Variants in ADAM29 observed in about 807,000 individuals in gnomAD.
ADAM29 encodes the protein disintegrin and metalloproteinase domain-containing protein 29.
For missense variants in ADAM29, 969 were observed against 1,001.8 expected, an observed-to-expected ratio of 0.97 and a Z score of 0.44; for synonymous variants, 367 against 342.3, an observed-to-expected ratio of 1.07 and a Z score of -0.80.
chr4:174,962,511 C>CA (rs578109941), intron 4 of ADAM29, among the ~76,000 whole-genome samples: 8,320 of 63,468 alleles, frequency 0.13, 438 homozygotes, highest in African/African-American at 0.22. Context: ...GACTCCGTCA[C>CA]AAAAAAAAAA....
intron 2 of ADAM29, among the ~76,000 whole-genome samples, chr4:174,930,008 A>C (rs535744374): frequency 1.3e-5 from 2 of 152,252 alleles, no homozygotes; most frequent in South Asian, 4.1e-4. Context: ...TGCTCACTGC[A>C]ACCTCTGCCT....
At chr4:174,931,285 A>G (rs1417488016) in intron 3 of ADAM29, 111 bp downstream of exon 3, 2 of 152,224 alleles carry the variant, frequency 1.3e-5, no homozygotes, top group Non-Finnish European at 2.9e-5. Flanking sequence ...CTAAACAGCA[A>G]TGCCAACAAG....
At chr4:174,949,491 C>G (rs1745047218) in intron 4 of ADAM29, among the ~76,000 whole-genome samples, 1 of 152,072 alleles carries the variant, frequency 6.6e-6, no homozygotes. Flanking sequence ...CACTCCTCAC[C>G]TGTGTGAATT....
intron 4 of ADAM29, among the ~76,000 whole-genome samples, chr4:174,974,890 A>G (rs1427349799): frequency 6.6e-6 from 1 of 152,212 alleles, no homozygotes; most frequent in East Asian, 1.9e-4. Context: ...GTTTTTAAAA[A>G]TGTCTCTTAG....
intron 4 of ADAM29, among the ~76,000 whole-genome samples, chr4:174,970,538 T>G (rs1746414860): frequency 6.6e-6 from 1 of 152,144 alleles, no homozygotes; most frequent in Non-Finnish European, 1.5e-5. Flanking sequence ...TTTTTCCCTT[T>G]TAACCTCCAA....
chr4:174,920,250 C>T (rs1743092600), intron 1 of ADAM29, among the ~76,000 whole-genome samples: 1 of 152,172 alleles, frequency 6.6e-6, no homozygotes. Context: ...GAGGCTTCTA[C>T]TAACAGTTTT....
intron 2 of ADAM29, chr4:174,923,667 C>T (rs868839653): frequency 6.6e-6 from 1 of 151,556 alleles, no homozygotes; most frequent in Non-Finnish European, 1.5e-5. Context: ...AAGCCGATCA[C>T]TTTCTCTTTG....
In ADAM29 at chr4:174,976,803, G is replaced by T; in HGVS notation, c.1278G>T (p.Leu426=). Reference sequence around the variant, plus strand: ...ATTGTGCAAAAGATCCCTGCTGTCTGTCAAATTGCACTCTGACTGATGGTT... The same window carrying T: ...ATTGTGCAAAAGATCCCTGCTGTCTTTCAAATTGCACTCTGACTGATGGTT... ...LKHCAKDPCC[L]SNCTLTDGST... The change falls in exon 5 of 5, where the codon CTG becomes CTT. Residue 426 remains leucine, a synonymous_variant. Transcript: ENST00000359240. The T allele has an allele frequency of 6.2e-7, 1 of 1,614,194 alleles. No homozygotes were observed. Among genetic ancestry groups the T allele is most frequent in the Middle Eastern group, 1.6e-4 (1 of 6,062 alleles).
intron 2 of ADAM29, chr4:174,924,057 A>C (rs1407909563): frequency 2.0e-5 from 3 of 152,238 alleles, no homozygotes; most frequent in Non-Finnish European, 4.4e-5. Context: ...TGTTAAGAGA[A>C]TGAACAGAGT....
At chr4:174,951,929 G>C (rs1377469347) in intron 4 of ADAM29, among the ~76,000 whole-genome samples, 1 of 152,064 alleles carries the variant, frequency 6.6e-6, no homozygotes, top group Admixed American at 6.5e-5. Flanking sequence ...AGAGCAATTA[G>C]TTCAAGAAAT....
intron 2 of ADAM29, among the ~76,000 whole-genome samples, chr4:174,921,020 G>A (rs1743130609): frequency 6.6e-6 from 1 of 152,026 alleles, no homozygotes; most frequent in African/African-American, 2.4e-5. Context: ...AACACTCAGA[G>A]ACTACATCTT....
intron 4 of ADAM29, among the ~76,000 whole-genome samples, chr4:174,958,153 A>G (rs946583301): frequency 1.1e-4 from 17 of 151,794 alleles, no homozygotes; most frequent in African/African-American, 3.6e-4. Flanking sequence ...GTGTTCTATA[A>G]ACGTCAATTT....
intron 4 of ADAM29, among the ~76,000 whole-genome samples, chr4:174,949,510 G>A (rs569030648): frequency 5.3e-5 from 8 of 152,130 alleles, no homozygotes; most frequent in African/African-American, 1.4e-4. Context: ...TTACCCCTTC[G>A]CCAGGAGTCA....
chr4:174,962,499 G>C (rs531517854), intron 4 of ADAM29, among the ~76,000 whole-genome samples: 9 of 144,910 alleles, frequency 6.2e-5, no homozygotes, highest in African/African-American at 1.6e-4. Context: ...GCGACAGAGC[G>C]AGACTCCGTC....
intron 4 of ADAM29, among the ~76,000 whole-genome samples, chr4:174,939,269 A>G (rs527312633): frequency 8.5e-4 from 129 of 152,206 alleles, no homozygotes; most frequent in Middle Eastern, 3.4e-3. Context: ...TTTCTTTTCC[A>G]TTTCCTTTTC....
At chr4:174,926,035 G>GGAGTAT (rs1433053475) in intron 2 of ADAM29, among the ~76,000 whole-genome samples, 2 of 152,106 alleles carry the variant, frequency 1.3e-5, no homozygotes, top group Non-Finnish European at 2.9e-5. Flanking sequence ...TGTAAAAAAA[G>GGAGTAT]GAGTATGGAT....
intron 2 of ADAM29, among the ~76,000 whole-genome samples, chr4:174,922,481 C>T (rs928955329): frequency 6.6e-5 from 10 of 151,998 alleles, no homozygotes; most frequent in Non-Finnish European, 7.4e-5. Context: ...TAAGGTAATT[C>T]TTCTGAACTG....
chr4:174,971,764 C>T (rs931679547), intron 4 of ADAM29, among the ~76,000 whole-genome samples: 1 of 152,102 alleles, frequency 6.6e-6, no homozygotes, highest in Non-Finnish European at 1.5e-5. Context: ...GGGAAGTGTT[C>T]AGCCATTATT....
chr4:174,976,991 A>T lies in ADAM29; in HGVS notation c.1466A>T (p.Glu489Val), dbSNP rs753736925. 6.2e-7 allele frequency: 1 copy of T among 1,614,170 alleles called. No homozygotes were observed. The highest frequency in any genetic ancestry group is 8.5e-7 in the Non-Finnish European group (1 of 1,180,026). The change falls in exon 5 of 5, where the codon GAG becomes GTG. Residue 489 changes from glutamate (E) to valine (V), a missense_variant. Transcript: ENST00000359240. ...GTGGAAGATGGAATTCCCTGTAAGG[A>T]GAGGGGCTACTGCTATGAAAAGAGC... The part of the protein sequence containing the change: ...FYVEDGIPCK[E>V]RGYCYEKSCH...
Sources: allele counts gnomAD v4.1 joint callset (sites outside exome capture counted in the v4.1 genomes callset), GRCh38; gene constraint gnomAD v4.1.1; transcripts MANE v1.5; gene names NCBI Gene and HGNC (gene_info 2026-07-23, HGNC 2026-07-21).